The following SMOC1 variants were observed in gnomAD, a reference collection of about 807,000 sequenced individuals.
The protein encoded by SMOC1 is SPARC related modular calcium binding 1.
Under a neutral mutation model 56.3 loss-of-function variants are expected in SMOC1, and 22 were observed. That is an observed-to-expected ratio of 0.39 (90% CI 0.28 to 0.56). The LOEUF is 0.56. Ranked by LOEUF, SMOC1 falls within the 20% of genes least tolerant of loss-of-function variation. The pLI, the probability that SMOC1 is intolerant of heterozygous loss-of-function variation, is 0.61. For synonymous variants in SMOC1, 193 were observed against 215.0 expected, an observed-to-expected ratio of 0.90 and a Z score of 0.89; for missense variants, 509 against 565.4, an observed-to-expected ratio of 0.90 and a Z score of 1.01.
At chr14:70,027,641 C>T (rs2139626313) in intron 11 of SMOC1, among the ~76,000 whole-genome samples, 2 of 152,324 alleles carry the variant, frequency 1.3e-5, no homozygotes, top group South Asian at 2.1e-4. Flanking sequence ...ATTTTAATCC[C>T]AGCTCTGACA....
intron 1 of SMOC1, among the ~76,000 whole-genome samples, chr14:69,949,290 C>T (rs1296855546): frequency 2.0e-5 from 3 of 151,998 alleles, no homozygotes; most frequent in South Asian, 4.2e-4. Flanking sequence ...GGCAGGAGCC[C>T]GGAAAGCCAG....
chr14:69,946,971 G>C (rs1882805520), intron 1 of SMOC1, among the ~76,000 whole-genome samples: 1 of 152,096 alleles, frequency 6.6e-6, no homozygotes, highest in African/African-American at 2.4e-5. Context: ...CTGAGTAAAA[G>C]CTCCCTGAGG....
intron 1 of SMOC1, among the ~76,000 whole-genome samples, chr14:69,926,488 G>A (rs1397482723): frequency 1.3e-5 from 2 of 152,236 alleles, no homozygotes; most frequent in East Asian, 1.9e-4. Flanking sequence ...AAAGGGCCAG[G>A]CGGCAGATGC....
chr14:69,946,325 A>G (rs1882782929), intron 1 of SMOC1, among the ~76,000 whole-genome samples: 1 of 152,202 alleles, frequency 6.6e-6, no homozygotes, highest in African/African-American at 2.4e-5. Context: ...TGACTTGTTT[A>G]TGTATATATC....
chr14:69,903,001 C>T (rs939071681), intron 1 of SMOC1, among the ~76,000 whole-genome samples: 9 of 152,164 alleles, frequency 5.9e-5, no homozygotes, highest in African/African-American at 1.9e-4. Flanking sequence ...GCCTTGGCCT[C>T]CCAAAGTGCC....
At chr14:69,885,796 C>G in intron 1 of SMOC1, 1 of 1,587,406 alleles carries the variant, frequency 6.3e-7, no homozygotes, top group South Asian at 1.1e-5. Flanking sequence ...CGGCCCGGGC[C>G]AACAGTCTCT....
chr14:69,978,065 G>A, intron 5 of SMOC1, 100 bp downstream of exon 5: 1 of 942,996 alleles, frequency 1.1e-6, no homozygotes, highest in Non-Finnish European at 1.8e-6. Context: ...GAAAGCCTAA[G>A]GTGTCCCGCA....
Position 69,933,929 on chromosome 14 carries a change from A to C in SMOC1, c.100-18209A>C, listed in dbSNP as rs577959236. 1.1e-4 allele frequency among the ~76,000 whole-genome samples: 17 copies of C among 152,350 alleles called. No individual in the cohort carries two copies. The South Asian group carries it at 3.5e-3, about 32-fold the overall frequency. ...ATGTTGAAACCATGGGATGCAGTTT[A>C]AAAAACTGATTTAGTCAATAATAGA... On this transcript the variant is annotated intron_variant, in intron 1 of 11. Coordinates refer to ENST00000361956, the MANE Select transcript of SMOC1 (RefSeq NM_001034852.3).
intron 7 of SMOC1, among the ~76,000 whole-genome samples, chr14:69,997,272 A>T (rs1237929186): frequency 1.3e-5 from 2 of 152,214 alleles, no homozygotes; most frequent in African/African-American, 2.4e-5. Context: ...CATCTCACAC[A>T]TACCTTTTCC....
At chr14:69,919,239 G>A (rs576704229) in intron 1 of SMOC1, among the ~76,000 whole-genome samples, 1 of 152,028 alleles carries the variant, frequency 6.6e-6, no homozygotes, top group African/African-American at 2.4e-5. Flanking sequence ...TCATATTCTG[G>A]GACAGAGAGC....
At chr14:69,914,088 A>G (rs1884624124) in intron 1 of SMOC1, among the ~76,000 whole-genome samples, 1 of 152,216 alleles carries the variant, frequency 6.6e-6, no homozygotes, top group Admixed American at 6.5e-5. Flanking sequence ...GAAGATGTGC[A>G]GATTTGATCC....
At chr14:69,962,393 G>C (rs75100607) in intron 3 of SMOC1, among the ~76,000 whole-genome samples, 5,445 of 152,222 alleles carry the variant, frequency 0.036, 135 homozygotes, top group Non-Finnish European at 0.052. Flanking sequence ...TTAAACTCCT[G>C]ACCTCAGTAA....
At chr14:69,910,498 G>A (rs906302579) in intron 1 of SMOC1, among the ~76,000 whole-genome samples, 3 of 152,218 alleles carry the variant, frequency 2.0e-5, no homozygotes, top group Admixed American at 6.5e-5. Context: ...GAGGCATGAA[G>A]CTGGCAAAGC....
Position 69,912,347 on chromosome 14 carries a change from C to T in SMOC1, c.99+32570C>T, listed in dbSNP as rs556707567. On this transcript the variant is annotated intron_variant, in intron 1 of 11. Coordinates refer to ENST00000361956, the MANE Select transcript of SMOC1 (RefSeq NM_001034852.3). Reference sequence around the variant, plus strand: ...CACTGCAACCTTGAACTCCCGGCTTCAAGCAATCCTCCTGTCTCAGCCTCC... The same window carrying T: ...CACTGCAACCTTGAACTCCCGGCTTTAAGCAATCCTCCTGTCTCAGCCTCC... Among the ~76,000 whole-genome samples, 3 of 152,322 alleles carry T rather than the reference C, an allele frequency of 2.0e-5. No individual in the cohort carries two copies. The East Asian group carries it at 5.8e-4, about 29-fold the overall frequency.
At chr14:69,917,703 C>T (rs2125743) in intron 1 of SMOC1, among the ~76,000 whole-genome samples, 31,683 of 152,076 alleles carry the variant, frequency 0.21, 3,475 homozygotes, top group Admixed American at 0.3. Context: ...CTTTCTTCAC[C>T]TTCTTTTCAA....
Position 69,997,350 on chromosome 14 carries a change from G to T in SMOC1, c.664+2870G>T, listed in dbSNP as rs114943692. Among the ~76,000 whole-genome samples the T allele has an allele frequency of 2.6e-3, 398 of 152,330 alleles. 1 individual carries two copies. The highest frequency in any genetic ancestry group is 8.9e-3 in the African/African-American group (370 of 41,576). On this transcript the variant is annotated intron_variant, in intron 7 of 11. Coordinates refer to ENST00000361956, the MANE Select transcript of SMOC1 (RefSeq NM_001034852.3). ...TTGCCAAAAAAGCATCTTGATGTTT[G>T]GCTTTCTTAGGTAGTGGATAGGGAG...
intron 1 of SMOC1, among the ~76,000 whole-genome samples, chr14:69,902,617 C>T (rs1236524496): frequency 6.6e-6 from 1 of 152,130 alleles, no homozygotes; most frequent in Non-Finnish European, 1.5e-5. Context: ...CTCTCCCTCT[C>T]CCCACGGTCT....
intron 5 of SMOC1, among the ~76,000 whole-genome samples, chr14:69,981,953 C>T (rs921557247): frequency 3.9e-5 from 6 of 152,064 alleles, no homozygotes; most frequent in Non-Finnish European, 7.4e-5. Flanking sequence ...TTCTTAGCCT[C>T]TGGTGGGGTG....
intron 2 of SMOC1, 126 bp downstream of exon 2, chr14:69,952,429 C>A: frequency 1.8e-6 from 2 of 1,115,200 alleles, no homozygotes; most frequent in Non-Finnish European, 2.6e-6. Flanking sequence ...TATCTCTCCA[C>A]CCCTTCCACC....
Sources: allele counts gnomAD v4.1 joint callset (sites outside exome capture counted in the v4.1 genomes callset), GRCh38; gene constraint gnomAD v4.1.1; transcripts MANE v1.5; gene names NCBI Gene and HGNC (gene_info 2026-07-23, HGNC 2026-07-21).